The following IRAG1 variants were observed in gnomAD, a reference collection of about 807,000 sequenced individuals.
The protein encoded by IRAG1 is inositol 1,4,5-triphosphate receptor associated 1, also known as IP3R-associated cGMP kinase substrate.
A neutral mutation model predicts 106.2 loss-of-function variants in IRAG1; 62 were observed. The ratio of observed to expected loss-of-function variants is 0.58; its 90% CI spans 0.48 to 0.72. The LOEUF is 0.72. Ranked by LOEUF, IRAG1 falls within the 30% of genes least tolerant of loss-of-function variation. The pLI is 0.00. For synonymous variants in IRAG1, 462 were observed against 443.9 expected, an observed-to-expected ratio of 1.04 and a Z score of -0.51; for missense variants, 1,064 against 1,140.7, an observed-to-expected ratio of 0.93 and a Z score of 0.97.
intron 15 of IRAG1, 66 bp downstream of exon 15, chr11:10,600,852 C>T: frequency 6.3e-7 from 1 of 1,599,328 alleles, no homozygotes; most frequent in South Asian, 1.1e-5. Context: ...CAGCTCTAAT[C>T]CTAGCCAAGA....
At chr11:10,631,848 A>G in intron 4 of IRAG1, 143 bp downstream of exon 4, 1 of 610,684 alleles carries the variant, frequency 1.6e-6, no homozygotes, top group Non-Finnish European at 3.0e-6. Context: ...AGACCCAGAC[A>G]CGGAGGGGCT....
chr11:10,619,819 A>C (rs981052489), intron 10 of IRAG1, among the ~76,000 whole-genome samples: 11 of 152,208 alleles, frequency 7.2e-5, no homozygotes, highest in African/African-American at 2.7e-4. Context: ...CTGAGCTCTT[A>C]AGCATCCAGA....
intron 14 of IRAG1, among the ~76,000 whole-genome samples, chr11:10,602,558 G>T (rs1220111873): frequency 1.3e-5 from 2 of 152,212 alleles, no homozygotes; most frequent in East Asian, 1.9e-4. Flanking sequence ...GAGAGAGCCA[G>T]ACCTGGGCCT....
At chr11:10,631,483 GTC>G (rs754175989) in intron 4 of IRAG1, among the ~76,000 whole-genome samples, 10 of 152,166 alleles carry the variant, frequency 6.6e-5, no homozygotes, top group Non-Finnish European at 1.3e-4. Context: ...CTTCTGTGCA[GTC>G]TCTTATCATA....
Position 10,626,101 on chromosome 11 carries a change from G to A in IRAG1, c.1233C>T (p.Ala411=). ...EPGPRLQKVL[A]KLPLAEEEKR... The stretch of plus-strand genomic sequence containing the variant: ...TTTCTTCCTCTGCCAGTGGCAGCTT[G>A]GCAAGCACTTTCTGCAGCCGGGGGC... The change falls in exon 9 of 21, where the codon GCC becomes GCT. Residue 411 remains alanine, a synonymous_variant. Coordinates refer to ENST00000423302, the MANE Select transcript of IRAG1 (RefSeq NM_130385.4). The A allele has an allele frequency of 6.5e-7, 1 of 1,546,684 alleles. No homozygotes were observed. Among genetic ancestry groups the A allele is most frequent in the Non-Finnish European group, 8.7e-7 (1 of 1,146,086 alleles).
chr11:10,627,757 C>G lies in IRAG1; in HGVS notation c.709G>C (p.Gly237Arg), dbSNP rs764530894. ...GGTGAAGAGACGTCGGCCTCATCCCCCTTCTGCTGGAGAAGGTGAACAGGA... is the reference window on the plus strand; with the variant it reads ...GGTGAAGAGACGTCGGCCTCATCCCGCTTCTGCTGGAGAAGGTGAACAGGA... ...SPLPGAPPQKGDEADVSSPHP... is the reference protein window; with the variant it reads ...SPLPGAPPQKRDEADVSSPHP... The change falls in exon 8 of 21, where the codon GGG (glycine) becomes CGG (arginine). Residue 237 changes from glycine to arginine, a missense_variant. By Grantham distance (125) the Gly-to-Arg change is moderately radical (BLOSUM62 -2). Transcript: ENST00000423302. 2 of 1,613,948 alleles carry G rather than the reference C, an allele frequency of 1.2e-6. No individual in the cohort carries two copies. Among genetic ancestry groups the G allele is most frequent in the Admixed American group, 3.3e-5 (2 of 60,020 alleles).
Position 10,580,576 on chromosome 11 carries a change from G to C in IRAG1, c.2374C>G (p.Leu792Val), listed in dbSNP as rs896650957. ...EAYSKGFQEGLKKTKELQDLK... is the reference protein window; with the variant it reads ...EAYSKGFQEGVKKTKELQDLK... ...TCTTGAAGTTCTTTGGTCTTCTTTAGACCTTCTTGGAATCTGGGGGGCAAA... is the reference window on the plus strand; with the variant it reads ...TCTTGAAGTTCTTTGGTCTTCTTTACACCTTCTTGGAATCTGGGGGGCAAA... Residue 792 changes from leucine (L) to valine (V), a missense_variant, in exon 20 of 21, where the codon CTA becomes GTA. Physicochemically the swap from Leu to Val is conservative, Grantham distance 32 (BLOSUM62 1). Coordinates refer to ENST00000423302, the MANE Select transcript of IRAG1 (RefSeq NM_130385.4). The C allele has an allele frequency of 1.2e-6, 2 of 1,613,176 alleles. No individual in the cohort carries two copies. Among genetic ancestry groups the C allele is most frequent in the Middle Eastern group, 1.7e-4 (1 of 6,054 alleles).
At chr11:10,669,733 C>A (rs191987053) in intron 1 of IRAG1, among the ~76,000 whole-genome samples, 1 of 152,140 alleles carries the variant, frequency 6.6e-6, no homozygotes, top group Non-Finnish European at 1.5e-5. Context: ...GTAGTTCCCC[C>A]CCTTACCCTT....
chr11:10,585,348 A>G (rs1249872580), intron 18 of IRAG1, among the ~76,000 whole-genome samples: 1 of 152,150 alleles, frequency 6.6e-6, no homozygotes, highest in Non-Finnish European at 1.5e-5. Context: ...AATGATAAGA[A>G]GAGCTAAACA....
chr11:10,671,669 A>C (rs1169833428), intron 1 of IRAG1, among the ~76,000 whole-genome samples: 3 of 152,136 alleles, frequency 2.0e-5, no homozygotes, highest in Admixed American at 1.3e-4. Context: ...CCAAGATCAC[A>C]CCACTGCACT....
At position 10,576,379 on chromosome 11, in the gene IRAG1, A is replaced by G; in HGVS notation, c.2692T>C (p.Ser898Pro). ...RSTCSAAQRD[S>P]WWSSGLQHEQ... ...TGCTGGAGTCCTGAGCTCCACCAGG[A>G]GTCCCTCTGGGCTGCCGAGCAAGTG... Residue 898 changes from serine to proline, a missense_variant, in exon 21 of 21, where the codon TCC (serine) becomes CCC (proline). Transcript: ENST00000423302. The G allele has an allele frequency of 6.2e-7, 1 of 1,613,970 alleles. No individual in the cohort carries two copies. The highest frequency in any genetic ancestry group is 8.5e-7 in the Non-Finnish European group (1 of 1,179,876).
intron 18 of IRAG1, among the ~76,000 whole-genome samples, chr11:10,584,286 C>T (rs1389706535): frequency 1.3e-5 from 2 of 152,160 alleles, no homozygotes; most frequent in African/African-American, 4.8e-5. Context: ...TTCTTGGCAT[C>T]AGTTTCCCAT....
At chr11:10,689,550 T>C (rs1387824307) in intron 1 of IRAG1, among the ~76,000 whole-genome samples, 5 of 152,162 alleles carry the variant, frequency 3.3e-5, no homozygotes, top group Non-Finnish European at 7.3e-5. Flanking sequence ...CCAAATGCTA[T>C]AAACCTATGG....
At chr11:10,594,314 A>G (rs1164191184) in intron 15 of IRAG1, 119 bp from the exon 16 acceptor site, 2 of 921,254 alleles carry the variant, frequency 2.2e-6, no homozygotes, top group Non-Finnish European at 3.3e-6. Context: ...GGATAGCCCA[A>G]GGGTCTGGGT....
chr11:10,629,701 C>G lies in IRAG1; in HGVS notation c.411G>C (p.Gly137=). 1.9e-6 allele frequency: 3 copies of G among 1,613,294 alleles called. No individual in the cohort carries two copies. The highest frequency in any genetic ancestry group is 2.5e-6 in the Non-Finnish European group (3 of 1,179,560). ...TASLTSVDPA[G]HIIDLVNDQL... ...GGTCATTCACCAGGTCAATGATGTGCCCCGCGGGGTCTGCAGAAGGAGGAT... is the reference window on the plus strand; with the variant it reads ...GGTCATTCACCAGGTCAATGATGTGGCCCGCGGGGTCTGCAGAAGGAGGAT... The change falls in exon 5 of 21, where the codon GGG becomes GGC. Residue 137 remains glycine (G), a synonymous_variant. Coordinates refer to ENST00000423302, the MANE Select transcript of IRAG1 (RefSeq NM_130385.4).
At chr11:10,656,934 G>A (rs1446303438) in intron 1 of IRAG1, among the ~76,000 whole-genome samples, 1 of 152,074 alleles carries the variant, frequency 6.6e-6, no homozygotes, top group Non-Finnish European at 1.5e-5. Flanking sequence ...ATGGTGGGAG[G>A]CAGAGGGGAG....
chr11:10,578,997 G>A (rs1851119908), intron 20 of IRAG1, among the ~76,000 whole-genome samples: 1 of 152,194 alleles, frequency 6.6e-6, no homozygotes, highest in African/African-American at 2.4e-5. Flanking sequence ...GCAATGTGGT[G>A]GACTGAGAAA....
chr11:10,652,266 A>G, intron 1 of IRAG1, 84 bp from the exon 2 acceptor site: 1 of 1,575,244 alleles, frequency 6.3e-7, no homozygotes, highest in Non-Finnish European at 8.7e-7. Flanking sequence ...CACAAGCCAC[A>G]GTGAGAGCCG....
intron 20 of IRAG1, 62 bp from the exon 21 acceptor site, chr11:10,576,637 C>T: frequency 2.5e-6 from 4 of 1,591,638 alleles, no homozygotes; most frequent in Non-Finnish European, 3.4e-6. Flanking sequence ...GATACACAGA[C>T]CCACAGTTCT....
Sources: gnomAD v4.1 joint callset for allele counts (sites outside exome capture counted in the v4.1 genomes callset) on GRCh38, gnomAD v4.1.1 for gene constraint, MANE v1.5 for transcripts, NCBI Gene and HGNC (gene_info 2026-07-23, HGNC 2026-07-21) for gene names.